NR2F1-AS1: variants seen among roughly 807,000 people sequenced by gnomAD.
NR2F1-AS1 encodes NR2F1 antisense RNA 1.
intron 3 of NR2F1-AS1, among the ~76,000 whole-genome samples, chr5:93,554,164 T>G (rs1420090940): frequency 2.0e-5 from 3 of 152,142 alleles, no homozygotes; most frequent in African/African-American, 7.2e-5. Flanking sequence ...ACTTGCAAAA[T>G]CAGAAGTATA....
chr5:93,487,829 C>T (rs971872367), intron 4 of NR2F1-AS1, among the ~76,000 whole-genome samples: 1 of 152,106 alleles, frequency 6.6e-6, no homozygotes, highest in Non-Finnish European at 1.5e-5. Context: ...CATCATGCTC[C>T]CTGACTTCAA....
intron 4 of NR2F1-AS1, among the ~76,000 whole-genome samples, chr5:93,484,980 T>C (rs1409785736): frequency 1.3e-5 from 2 of 152,098 alleles, no homozygotes; most frequent in Admixed American, 6.6e-5. Flanking sequence ...CTTAGATACC[T>C]ACAAAGAGAC....
At chr5:93,413,210 A>G (rs933773222) in intron 4 of NR2F1-AS1, among the ~76,000 whole-genome samples, 2 of 148,326 alleles carry the variant, frequency 1.3e-5, no homozygotes, top group African/African-American at 2.5e-5. Flanking sequence ...ATATATATGT[A>G]TATATATATA....
chr5:93,568,089 G>A (rs774849613), intron 1 of NR2F1-AS1, among the ~76,000 whole-genome samples: 3 of 152,216 alleles, frequency 2.0e-5, no homozygotes, highest in Middle Eastern at 3.4e-3. Context: ...AACCATTTAA[G>A]ATATATGTTA....
upstream of NR2F1-AS1, among the ~76,000 whole-genome samples, chr5:93,581,865 TCTCCTCTCTCCTCTCTCTCTCG>T: frequency 1.6e-5 from 1 of 63,568 alleles, no homozygotes; most frequent in Non-Finnish European, 3.0e-5. Flanking sequence ...TCTCTCTCTC[TCTCCTCTCTCCTCTCTCTCTCG>T]GTCTCTCTCT....
chr5:93,463,724 A>C (rs546719611), intron 4 of NR2F1-AS1, among the ~76,000 whole-genome samples: 1 of 152,318 alleles, frequency 6.6e-6, no homozygotes, highest in South Asian at 2.1e-4. Flanking sequence ...CATGGAGTCA[A>C]AGGAGATCAT....
intron 4 of NR2F1-AS1, among the ~76,000 whole-genome samples, chr5:93,489,714 T>A (rs1184404648): frequency 6.6e-6 from 1 of 152,174 alleles, no homozygotes; most frequent in Non-Finnish European, 1.5e-5. Context: ...ATTTGTTTGC[T>A]AGTGTGAGTT....
At chr5:93,568,298 T>C (rs1014321162) in intron 1 of NR2F1-AS1, among the ~76,000 whole-genome samples, 6 of 152,202 alleles carry the variant, frequency 3.9e-5, no homozygotes, top group African/African-American at 1.4e-4. Context: ...TGTACAGCAG[T>C]ATATTCAAAC....
intron 4 of NR2F1-AS1, among the ~76,000 whole-genome samples, chr5:93,548,801 G>A (rs1308445736): frequency 6.6e-6 from 1 of 152,070 alleles, no homozygotes; most frequent in African/African-American, 2.4e-5. Context: ...AACCCGGGAG[G>A]CAAAGGTTGC....
At chr5:93,502,156 C>T (rs1445846160) in intron 4 of NR2F1-AS1, among the ~76,000 whole-genome samples, 3 of 152,090 alleles carry the variant, frequency 2.0e-5, no homozygotes. Flanking sequence ...ATAGTGTAAA[C>T]ATAACTTTTA....
chr5:93,425,806 T>C (rs1030273892), intron 4 of NR2F1-AS1, among the ~76,000 whole-genome samples: 1 of 152,110 alleles, frequency 6.6e-6, no homozygotes, highest in African/African-American at 2.4e-5. Flanking sequence ...AATTGTATTA[T>C]AGTTATTTAT....
intron 4 of NR2F1-AS1, among the ~76,000 whole-genome samples, chr5:93,438,137 G>T (rs1412661601): frequency 6.6e-6 from 1 of 152,202 alleles, no homozygotes; most frequent in Non-Finnish European, 1.5e-5. Context: ...CACAGCATCT[G>T]TCTGGGCCTC....
chr5:93,422,327 C>T (rs1316746605), intron 4 of NR2F1-AS1: 1 of 152,306 alleles, frequency 6.6e-6, no homozygotes, highest in Non-Finnish European at 1.5e-5. Flanking sequence ...GTTCCCGACT[C>T]CAGCAATTGG....
At chr5:93,496,436 C>A (rs947687595) in intron 4 of NR2F1-AS1, among the ~76,000 whole-genome samples, 1 of 152,058 alleles carries the variant, frequency 6.6e-6, no homozygotes, top group Non-Finnish European at 1.5e-5. Flanking sequence ...AAGGACACAC[C>A]CTCTTTTTGT....
intron 4 of NR2F1-AS1, among the ~76,000 whole-genome samples, chr5:93,462,287 T>G (rs1388529418): frequency 6.6e-6 from 1 of 152,142 alleles, no homozygotes; most frequent in Admixed American, 6.5e-5. Context: ...CGAGATCTGA[T>G]GGTTTTTAAA....
At chr5:93,540,578 A>G (rs1035226406) in intron 4 of NR2F1-AS1, among the ~76,000 whole-genome samples, 6 of 152,188 alleles carry the variant, frequency 3.9e-5, no homozygotes, top group African/African-American at 1.4e-4. Context: ...TGTTTCCTCT[A>G]TAATGCAAAT....
intron 4 of NR2F1-AS1, among the ~76,000 whole-genome samples, chr5:93,486,112 G>T (rs1162962870): frequency 4.3e-5 from 5 of 117,166 alleles, no homozygotes; most frequent in African/African-American, 1.3e-4. Flanking sequence ...GGGGACTGTT[G>T]TGGGGTGGGG....
At chr5:93,425,070 C>A (rs2149844109) in intron 4 of NR2F1-AS1, among the ~76,000 whole-genome samples, 1 of 152,302 alleles carries the variant, frequency 6.6e-6, no homozygotes, top group East Asian at 1.9e-4. Flanking sequence ...ACAAAACACC[C>A]TAAATTTACT....
At chr5:93,567,495 C>T (rs990753420) in intron 1 of NR2F1-AS1, among the ~76,000 whole-genome samples, 1 of 152,180 alleles carries the variant, frequency 6.6e-6, no homozygotes, top group Non-Finnish European at 1.5e-5. Flanking sequence ...TTGTCTTAGG[C>T]TATTACTGTC....
Sources: gnomAD v4.1 joint callset for allele counts (sites outside exome capture counted in the v4.1 genomes callset) on GRCh38, gnomAD v4.1.1 for gene constraint, MANE v1.5 for transcripts, NCBI Gene and HGNC (gene_info 2026-07-23, HGNC 2026-07-21) for gene names.